The following KCNK10 variants were observed in gnomAD, a reference collection of about 807,000 sequenced individuals.
The protein encoded by KCNK10 is potassium channel subfamily K member 10.
KCNK10 carries 25 observed loss-of-function variants against 47.7 expected under a neutral mutation model. The observed-to-expected ratio is 0.52, with a 90% CI of 0.38 to 0.73. KCNK10 has a LOEUF of 0.73. Ranked by LOEUF, KCNK10 falls within the 30% of genes least tolerant of loss-of-function variation. KCNK10 has a pLI of 0.00. For missense variants in KCNK10, 563 were observed against 714.5 expected (o/e 0.79, Z 2.42); for synonymous variants, 303 against 285.6 (o/e 1.06, Z -0.61).
At chr14:88,246,760 T>C (rs558661541) in intron 2 of KCNK10, among the ~76,000 whole-genome samples, 125 of 152,342 alleles carry the variant, frequency 8.2e-4, no homozygotes, top group African/African-American at 3.0e-3. Context: ...GATAAAGCGG[T>C]AACCATTCAG....
chr14:88,189,372 A>G (rs1299404334), intron 5 of KCNK10, among the ~76,000 whole-genome samples: 1 of 152,218 alleles, frequency 6.6e-6, no homozygotes, highest in Non-Finnish European at 1.5e-5. Flanking sequence ...TTAGAGCTGT[A>G]GGATACGATC....
intron 4 of KCNK10, among the ~76,000 whole-genome samples, chr14:88,221,342 T>C (rs996982821): frequency 1.4e-5 from 2 of 139,372 alleles, no homozygotes; most frequent in Non-Finnish European, 1.5e-5. Context: ...TTACACATTA[T>C]ACATTAAATC....
intron 1 of KCNK10, among the ~76,000 whole-genome samples, chr14:88,279,364 CGTGT>C (rs58319931): frequency 0.058 from 7,996 of 137,516 alleles, 303 homozygotes; most frequent in East Asian, 0.12. Flanking sequence ...TTGCCAGATA[CGTGT>C]GTGTGTGTGT....
intron 1 of KCNK10, among the ~76,000 whole-genome samples, chr14:88,299,286 A>C (rs1374307477): frequency 6.6e-6 from 1 of 152,228 alleles, no homozygotes; most frequent in African/African-American, 2.4e-5. Flanking sequence ...TCAGCTGACC[A>C]GTGGCAGAGC....
At chr14:88,306,616 C>A (rs952162008) in intron 1 of KCNK10, among the ~76,000 whole-genome samples, 1 of 152,058 alleles carries the variant, frequency 6.6e-6, no homozygotes, top group South Asian at 2.1e-4. Context: ...CCCATCATCC[C>A]CACTGCTATC....
At chr14:88,195,097 C>T (rs573647006) in intron 4 of KCNK10, among the ~76,000 whole-genome samples, 83 of 152,070 alleles carry the variant, frequency 5.5e-4, no homozygotes, top group African/African-American at 1.9e-3. Flanking sequence ...CAAACCATCT[C>T]ATGTGCCGTG....
At chr14:88,308,493 G>C (rs1232404543) in intron 1 of KCNK10, among the ~76,000 whole-genome samples, 1 of 152,202 alleles carries the variant, frequency 6.6e-6, no homozygotes, top group Non-Finnish European at 1.5e-5. Flanking sequence ...CTACTCAAAA[G>C]ACATGTAAAT....
In KCNK10 at chr14:88,227,476, T is replaced by C. The variant is rs1361936211; in HGVS notation, c.580A>G (p.Ile194Val). The change falls in exon 4 of 7, where the codon ATC (isoleucine) becomes GTC (valine). Residue 194 changes from isoleucine (I) to valine (V), a missense_variant. Ile to Val is a conservative substitution (Grantham distance 29). Coordinates refer to ENST00000319231, the MANE Select transcript of KCNK10 (RefSeq NM_138317.3). Reference protein sequence around the residue: ...GGKIFCILYAIFGIPLFGFLL... With the variant: ...GGKIFCILYAVFGIPLFGFLL... ...AAACCAAAGAGTGGAATTCCAAAGA[T>C]GGCATATAAAATACAAAAGATTTTG... 4 of 1,613,516 alleles carry C rather than the reference T, an allele frequency of 2.5e-6. No individual in the cohort carries two copies. In the African/African-American group the frequency reaches 4.0e-5, roughly 16 times the overall value.
rs546760857 is a variant in KCNK10, at chr14:88,238,332, C to A, written c.520+2371G>T. Reference sequence around the variant, plus strand: ...CAATAAGGCTGGTTCACTTTCTTATCATTCATGTGCTCACTCACTGGAGTA... The same window carrying A: ...CAATAAGGCTGGTTCACTTTCTTATAATTCATGTGCTCACTCACTGGAGTA... On this transcript the variant is annotated intron_variant, in intron 3 of 6. Coordinates refer to ENST00000319231, the MANE Select transcript of KCNK10 (RefSeq NM_138317.3). Among the ~76,000 whole-genome samples, 6 of 152,296 alleles carry A rather than the reference C, an allele frequency of 3.9e-5. No homozygotes were observed. In the South Asian group the frequency reaches 1.2e-3, roughly 32 times the overall value.
chr14:88,192,780 A>C (rs926632671), intron 4 of KCNK10, among the ~76,000 whole-genome samples: 1 of 152,184 alleles, frequency 6.6e-6, no homozygotes, highest in South Asian at 2.1e-4. Context: ...ACCATTTGTC[A>C]TGTAGTATTA....
chr14:88,212,468 G>A (rs979508633), intron 4 of KCNK10, among the ~76,000 whole-genome samples: 1 of 151,874 alleles, frequency 6.6e-6, no homozygotes, highest in Non-Finnish European at 1.5e-5. Context: ...AGATACTATA[G>A]ATACTATGAA....
intron 2 of KCNK10, among the ~76,000 whole-genome samples, chr14:88,241,657 C>T (rs184713718): frequency 6.6e-6 from 1 of 152,304 alleles, no homozygotes; most frequent in Non-Finnish European, 1.5e-5. Flanking sequence ...CCACTCTGGG[C>T]AGGACACTCC....
intron 1 of KCNK10, among the ~76,000 whole-genome samples, chr14:88,300,259 G>A (rs558910785): frequency 1.0e-3 from 159 of 152,176 alleles, no homozygotes; most frequent in African/African-American, 3.6e-3. Context: ...CCTGAGTAAC[G>A]AAAGTTCAAA....
At chr14:88,259,374 T>C (rs539629214) in intron 2 of KCNK10, among the ~76,000 whole-genome samples, 162 of 152,354 alleles carry the variant, frequency 1.1e-3, no homozygotes, top group African/African-American at 3.7e-3. Flanking sequence ...GATGGAGATC[T>C]AAAAGCATCC....
chr14:88,196,728 G>C (rs1213508210), intron 4 of KCNK10, among the ~76,000 whole-genome samples: 12 of 152,176 alleles, frequency 7.9e-5, no homozygotes, highest in Admixed American at 2.6e-4. Context: ...GCTTGGTTTG[G>C]TTTGTTGAAA....
At position 88,181,699 on chromosome 14, in the gene KCNK10, A is replaced by C. The variant is rs1884364566; in HGVS notation, c.*3836T>G. On this transcript the variant is annotated 3_prime_UTR_variant, in exon 7 of 7. Transcript: ENST00000319231. ...CATCTGGTCTCCATTAATCCCCCAA[A>C]AGACAAATCCCAAAGGGCAAGAGAC... 6.6e-6 allele frequency: 1 copy of C among 152,208 alleles called. No homozygotes were observed. 9.4% of individuals were successfully genotyped at this position (152,208 alleles called of 1,614,324 possible).
upstream of KCNK10, chr14:88,326,762 C>T (rs1420664089): frequency 5.6e-6 from 2 of 356,798 alleles, no homozygotes; most frequent in Non-Finnish European, 1.0e-5. Context: ...TAATGAATGC[C>T]GTGTGGCCCG....
chr14:88,249,735 A>G (rs1886741541), intron 2 of KCNK10, among the ~76,000 whole-genome samples: 1 of 152,132 alleles, frequency 6.6e-6, no homozygotes, highest in African/African-American at 2.4e-5. Context: ...AATTTAAATG[A>G]GTTACTACAC....
intron 4 of KCNK10, among the ~76,000 whole-genome samples, chr14:88,214,595 T>C (rs1885561138): frequency 6.6e-6 from 1 of 152,224 alleles, no homozygotes. Context: ...AACCCATCTT[T>C]GTATTAGTCA....
Sources: gnomAD v4.1 joint callset for allele counts (sites outside exome capture counted in the v4.1 genomes callset) on GRCh38, gnomAD v4.1.1 for gene constraint, MANE v1.5 for transcripts, NCBI Gene and HGNC (gene_info 2026-07-23, HGNC 2026-07-21) for gene names.